Variants in CLSTN2 observed in about 807,000 individuals in gnomAD.
The protein encoded by CLSTN2 is calsyntenin-2.
A neutral mutation model predicts 101.2 loss-of-function variants in CLSTN2; 48 were observed. The observed-to-expected ratio is 0.47, with a 90% confidence interval of 0.38 to 0.60. The LOEUF (loss-of-function observed/expected upper bound fraction) is 0.60, where lower values mean the gene tolerates loss of function less well. CLSTN2 is among the 20% of genes least tolerant of loss of function. CLSTN2 has a pLI of 0.00. For synonymous variants in CLSTN2, 481 were observed against 463.6 expected (o/e 1.04, Z -0.48); for missense variants, 1,160 against 1,238.2 (o/e 0.94, Z 0.95).
chr3:139,991,374 A>G (rs1284963591), intron 1 of CLSTN2, among the ~76,000 whole-genome samples: 1 of 152,260 alleles, frequency 6.6e-6, no homozygotes, highest in African/African-American at 2.4e-5. Context: ...CCATAAAACT[A>G]TAAGACAGTT....
At chr3:140,291,902 C>T (rs760886304) in intron 2 of CLSTN2, among the ~76,000 whole-genome samples, 2 of 151,988 alleles carry the variant, frequency 1.3e-5, no homozygotes, top group Non-Finnish European at 2.9e-5. Context: ...TTGTCTCAAA[C>T]TGGTGTGTCC....
chr3:140,108,386 G>A (rs1403018718), intron 1 of CLSTN2, among the ~76,000 whole-genome samples: 2 of 152,230 alleles, frequency 1.3e-5, no homozygotes, highest in East Asian at 3.9e-4. Flanking sequence ...AGCTCTTTAG[G>A]GATTCCTGGA....
intron 2 of CLSTN2, among the ~76,000 whole-genome samples, chr3:140,272,942 T>C (rs2086756368): frequency 6.6e-6 from 1 of 152,134 alleles, no homozygotes; most frequent in African/African-American, 2.4e-5. Context: ...GTGATTATTA[T>C]TTTGGGTTTC....
At chr3:140,461,612 G>A (rs1378291346) in intron 7 of CLSTN2, among the ~76,000 whole-genome samples, 1 of 152,144 alleles carries the variant, frequency 6.6e-6, no homozygotes, top group Non-Finnish European at 1.5e-5. Flanking sequence ...TGTGTCCCAG[G>A]CCCAAGCTAT....
chr3:139,942,103 C>T (rs150237808), intron 1 of CLSTN2, among the ~76,000 whole-genome samples: 155 of 152,272 alleles, frequency 1.0e-3, no homozygotes, highest in African/African-American at 3.6e-3. Flanking sequence ...GTGATGTCTG[C>T]TTGAGGAAGG....
chr3:140,232,143 A>T (rs2086376681), intron 2 of CLSTN2, among the ~76,000 whole-genome samples: 1 of 152,192 alleles, frequency 6.6e-6, no homozygotes, highest in Non-Finnish European at 1.5e-5. Flanking sequence ...AGCTTGTGAG[A>T]TGGAAGTACA....
chr3:140,360,001 C>G (rs1263899452), intron 2 of CLSTN2, among the ~76,000 whole-genome samples: 2 of 57,014 alleles, frequency 3.5e-5, no homozygotes, highest in East Asian at 4.4e-4. Context: ...TATACACACA[C>G]ACACACACAC....
chr3:139,992,057 A>G (rs1936124168), intron 1 of CLSTN2, among the ~76,000 whole-genome samples: 2 of 152,188 alleles, frequency 1.3e-5, no homozygotes, highest in Admixed American at 1.3e-4. Flanking sequence ...GTGGTTTCCA[A>G]AGAAAAATAG....
chr3:140,073,211 A>G (rs2008424082), intron 1 of CLSTN2, among the ~76,000 whole-genome samples: 1 of 152,240 alleles, frequency 6.6e-6, no homozygotes, highest in Non-Finnish European at 1.5e-5. Context: ...CCTGACTACA[A>G]GACGATCCTG....
chr3:140,385,963 A>G lies in CLSTN2; in HGVS notation c.233-17666A>G, dbSNP rs141422573. Among the ~76,000 whole-genome samples the G allele has an allele frequency of 1.9e-3, 283 of 152,278 alleles. 1 individual carries two copies. The highest frequency in any genetic ancestry group is 6.7e-3 in the African/African-American group (277 of 41,570). On this transcript the variant is annotated intron_variant, in intron 2 of 16. Coordinates refer to ENST00000458420, the MANE Select transcript of CLSTN2 (RefSeq NM_022131.3). ...AGAAATGGCCCTATTTGGATCTGAC[A>G]CTGGACAGTGATCTGCTCTGAGGGT... is the stretch of plus-strand genomic sequence containing the variant.
intron 4 of CLSTN2, among the ~76,000 whole-genome samples, chr3:140,415,486 C>CAAAAAAAAAAAAAA (rs751616049): frequency 1.8e-3 from 100 of 56,836 alleles, no homozygotes; most frequent in Non-Finnish European, 2.0e-3. Context: ...CACAAAATAG[C>CAAAAAAAAAAAAAA]AAAAAAAAAA....
intron 1 of CLSTN2, among the ~76,000 whole-genome samples, chr3:140,016,966 A>G (rs977286391): frequency 2.6e-5 from 4 of 152,196 alleles, no homozygotes; most frequent in Admixed American, 6.5e-5. Context: ...CTGATTTTTA[A>G]CTGCACAAGC....
chr3:140,286,415 C>G lies in CLSTN2; in HGVS notation c.232+110342C>G, dbSNP rs150436946. Among the ~76,000 whole-genome samples, 1,293 of 151,090 alleles carry G rather than the reference C, an allele frequency of 8.6e-3. 11 individuals carry two copies. Among genetic ancestry groups the G allele is most frequent in the African/African-American group, 0.013 (516 of 41,098 alleles). On this transcript the variant is annotated intron_variant, in intron 2 of 16. Transcript: ENST00000458420. ...AGATGTTTTGTAGGGAGGGGGCAGA[C>G]AGGAGGTGCATAAAACTTGCTCCCC...
At chr3:140,305,021 G>GACACACAC (rs1413792527) in intron 2 of CLSTN2, among the ~76,000 whole-genome samples, 4 of 115,606 alleles carry the variant, frequency 3.5e-5, no homozygotes, top group African/African-American at 1.3e-4. Flanking sequence ...CACACACACA[G>GACACACAC]AGACACACAC....
chr3:140,309,531 A>G (rs1172102229), intron 2 of CLSTN2, among the ~76,000 whole-genome samples: 1 of 151,994 alleles, frequency 6.6e-6, no homozygotes, highest in East Asian at 1.9e-4. Flanking sequence ...CATGGAGGGC[A>G]AGTGTTATCA....
chr3:140,158,181 A>G (rs2009986920), intron 1 of CLSTN2, among the ~76,000 whole-genome samples: 1 of 152,208 alleles, frequency 6.6e-6, no homozygotes, highest in African/African-American at 2.4e-5. Context: ...CTCGTATTCA[A>G]CATAGTACTG....
At chr3:140,461,963 G>C (rs1933574606) in intron 7 of CLSTN2, among the ~76,000 whole-genome samples, 1 of 124,818 alleles carries the variant, frequency 8.0e-6, no homozygotes, top group African/African-American at 3.0e-5. Flanking sequence ...CAGAATAAAT[G>C]AAAGCTTGAT....
chr3:140,413,638 C>T (rs1457678668), intron 4 of CLSTN2, among the ~76,000 whole-genome samples: 1 of 152,012 alleles, frequency 6.6e-6, no homozygotes, highest in African/African-American at 2.4e-5. Flanking sequence ...AGCATAGATG[C>T]AAAAATAGTC....
intron 1 of CLSTN2, among the ~76,000 whole-genome samples, chr3:140,067,714 G>A (rs955538031): frequency 2.0e-5 from 3 of 152,180 alleles, no homozygotes; most frequent in Non-Finnish European, 2.9e-5. Context: ...CCTGTGAGTG[G>A]TCATTTTAGG....
Sources: allele counts gnomAD v4.1 joint callset (sites outside exome capture counted in the v4.1 genomes callset), GRCh38; gene constraint gnomAD v4.1.1; transcripts MANE v1.5; gene names NCBI Gene and HGNC (gene_info 2026-07-23, HGNC 2026-07-21).